FAM227B: variants seen among roughly 807,000 people sequenced by gnomAD.
FAM227B encodes the protein family with sequence similarity 227 member B.
FAM227B carries 88 observed loss-of-function variants against 73.8 expected under a neutral mutation model. The ratio of observed to expected loss-of-function variants is 1.19; its 90% CI spans 1.00 to 1.42. The LOEUF (loss-of-function observed/expected upper bound fraction) is 1.42, where lower values mean the gene tolerates loss of function less well. FAM227B is among the 40% of genes most tolerant of loss of function. The probability of loss-of-function intolerance (pLI) is 0.00; values close to 1 mark genes in which losing one functional copy is unlikely to be tolerated. For synonymous variants in FAM227B, 210 were observed against 190.5 expected (o/e 1.10, Z -0.84); for missense variants, 632 against 590.9 (o/e 1.07, Z -0.72).
intron 2 of FAM227B, 94 bp from the exon 3 acceptor site, chr15:49,611,362 A>AT: frequency 1.6e-6 from 1 of 643,070 alleles, no homozygotes; most frequent in South Asian, 2.4e-5. Flanking sequence ...ATGATACTCT[A>AT]TTTATCATTT....
At position 49,328,568 on chromosome 15, in the gene FAM227B, T is replaced by G. The variant is rs761376123; in HGVS notation, c.1527A>C (p.Ter509TyrextTer11). 1.2e-6 allele frequency: 2 copies of G among 1,604,944 alleles called. No homozygotes were observed. The highest frequency in any genetic ancestry group is 1.3e-5 in the African/African-American group (1 of 75,018). The change falls in exon 16 of 16, where the codon TAA becomes TAC. Residue 509 changes from the stop codon to tyrosine, a stop_lost. Transcript: ENST00000299338. ...DNYNFEEEEY[*>Y] is the part of the protein sequence containing the mutation. ...GAATAGAGTTCATTTCTGGTTTCTC[T>G]TAGTATTCTTCTTCCTCAAAGTTGT...
At chr15:49,536,840 G>C (rs2070346394) in intron 10 of FAM227B, among the ~76,000 whole-genome samples, 1 of 151,886 alleles carries the variant, frequency 6.6e-6, no homozygotes, top group African/African-American at 2.4e-5. Context: ...TCAATAAATG[G>C]TGCTGGGAAA....
chr15:49,588,123 T>C (rs956951618), intron 4 of FAM227B, 40 bp from the exon 5 acceptor site: 1 of 1,175,174 alleles, frequency 8.5e-7, no homozygotes, highest in Non-Finnish European at 1.1e-6. Context: ...ATATTATACA[T>C]ATGAACCTCC....
rs921978573 is a variant in FAM227B, at chr15:49,427,611, A to G, written c.1013-56212T>C. On this transcript the variant is annotated intron_variant, in intron 11 of 15. Transcript: ENST00000299338. Reference sequence around the variant, plus strand: ...ATATAATTATTCTTCTGGTTACCAAAAGAAAGTCCCCAATCTTTTCTCATG... The same window carrying G: ...ATATAATTATTCTTCTGGTTACCAAGAGAAAGTCCCCAATCTTTTCTCATG... Among the ~76,000 whole-genome samples the G allele has an allele frequency of 3.9e-5, 6 of 152,006 alleles. No homozygotes were observed. In the East Asian group the frequency reaches 9.7e-4, roughly 25 times the overall value.
intron 15 of FAM227B, chr15:49,330,054 AC>A (rs2038341600): frequency 6.6e-6 from 1 of 152,384 alleles, no homozygotes; most frequent in Non-Finnish European, 1.5e-5. Context: ...TGCTAAACTT[AC>A]CTGGAAGGGA....
intron 13 of FAM227B, among the ~76,000 whole-genome samples, chr15:49,354,351 G>T (rs1028346922): frequency 6.6e-6 from 1 of 152,202 alleles, no homozygotes; most frequent in Non-Finnish European, 1.5e-5. Context: ...CATCTCACTA[G>T]GGAGTGCCAG....
At chr15:49,422,672 G>C (rs955367684) in intron 11 of FAM227B, 21 of 1,120,080 alleles carry the variant, frequency 1.9e-5, no homozygotes, top group Non-Finnish European at 2.5e-5. Flanking sequence ...CTGGTCATTA[G>C]TGGTCCAACA....
In FAM227B at chr15:49,327,943, C is replaced by CTGTT. The variant is rs1567070082; in HGVS notation, c.*621_*624dup. ...ATAGGTTCTAATATTTTTTTCCTCA[C>CTGTT]TGTTTTAGGAAGTTTGGGGCTCAAG... On this transcript the variant is annotated 3_prime_UTR_variant, in exon 16 of 16. Coordinates refer to ENST00000299338, the MANE Select transcript of FAM227B (RefSeq NM_152647.3). 4 of 1,592,390 alleles carry CTGTT rather than the reference C, an allele frequency of 2.5e-6. No homozygotes were observed. The South Asian group carries it at 3.4e-5, about 14-fold the overall frequency.
chr15:49,483,556 A>T (rs2056142222), intron 11 of FAM227B, among the ~76,000 whole-genome samples: 1 of 151,972 alleles, frequency 6.6e-6, no homozygotes, highest in South Asian at 2.1e-4. Flanking sequence ...CAAAATTTCC[A>T]TTTGCCAGTA....
At chr15:49,362,105 CTTG>C (rs1412470046) in intron 13 of FAM227B, among the ~76,000 whole-genome samples, 3 of 151,972 alleles carry the variant, frequency 2.0e-5, no homozygotes, top group Non-Finnish European at 4.4e-5. Context: ...TTGCTGTGTG[CTTG>C]TTGATTTAAG....
intron 11 of FAM227B, among the ~76,000 whole-genome samples, chr15:49,472,372 T>C (rs1049079106): frequency 6.6e-6 from 1 of 152,166 alleles, no homozygotes; most frequent in African/African-American, 2.4e-5. Flanking sequence ...GAAGGTGGAA[T>C]AAAGTGATTA....
At chr15:49,489,872 A>AT (rs2056888120) in intron 11 of FAM227B, among the ~76,000 whole-genome samples, 1 of 15,802 alleles carries the variant, frequency 6.3e-5, no homozygotes, top group Non-Finnish European at 1.5e-4. Context: ...ATATATATAT[A>AT]TATATATATA....
At chr15:49,541,211 C>T (rs1244902038) in intron 10 of FAM227B, among the ~76,000 whole-genome samples, 2 of 152,012 alleles carry the variant, frequency 1.3e-5, no homozygotes, top group Non-Finnish European at 2.9e-5. Context: ...TAGAGTTTTG[C>T]TTTCCTTTAG....
At chr15:49,393,225 AAG>A (rs997919283) in intron 11 of FAM227B, among the ~76,000 whole-genome samples, 7 of 152,296 alleles carry the variant, frequency 4.6e-5, no homozygotes, top group African/African-American at 7.2e-5. Flanking sequence ...TCAAATGTGA[AAG>A]AGAGAAAACT....
rs2037621983 is a variant in FAM227B, at chr15:49,327,031, T to TGTAA, written c.*1533_*1536dup. On this transcript the variant is annotated 3_prime_UTR_variant, in exon 16 of 16. Coordinates refer to ENST00000299338, the MANE Select transcript of FAM227B (RefSeq NM_152647.3). ...GTGAATTTTATTAAGAAGAATTAAT[T>TGTAA]GTAAGTACATGTTAACTTTCGTGTC... is the stretch of plus-strand genomic sequence containing the variant. The TGTAA allele has an allele frequency of 6.6e-6, 1 of 152,146 alleles. No homozygotes were observed. Among genetic ancestry groups the TGTAA allele is most frequent in the African/African-American group, 2.4e-5 (1 of 41,400 alleles). 9.4% of individuals were successfully genotyped at this position (152,146 alleles called of 1,614,324 possible). A position where few individuals can be genotyped will look rare whatever the true frequency, so the allele number is the denominator to read the frequency against.
At chr15:49,556,135 A>G (rs1312838474) in intron 9 of FAM227B, among the ~76,000 whole-genome samples, 2 of 152,164 alleles carry the variant, frequency 1.3e-5, no homozygotes, top group Non-Finnish European at 2.9e-5. Context: ...AGTTATTTGG[A>G]GGTAAGCAGT....
chr15:49,522,370 A>C (rs1454640181), intron 10 of FAM227B, among the ~76,000 whole-genome samples: 1 of 152,192 alleles, frequency 6.6e-6, no homozygotes, highest in Non-Finnish European at 1.5e-5. Flanking sequence ...TCTGTGCAAA[A>C]ACTCTGGAAG....
chr15:49,525,009 T>A (rs961880861), intron 10 of FAM227B, among the ~76,000 whole-genome samples: 27 of 152,198 alleles, frequency 1.8e-4, no homozygotes, highest in African/African-American at 6.5e-4. Context: ...TTGTCTCAGA[T>A]GAGACTTTGG....
chr15:49,336,753 T>TAA (rs759669128), intron 13 of FAM227B, among the ~76,000 whole-genome samples: 9 of 152,216 alleles, frequency 5.9e-5, no homozygotes, highest in African/African-American at 1.2e-4. Flanking sequence ...GCAGGTTTGA[T>TAA]ACATGGGTAT....
Sources: allele counts gnomAD v4.1 joint callset (sites outside exome capture counted in the v4.1 genomes callset), GRCh38; gene constraint gnomAD v4.1.1; transcripts MANE v1.5; gene names NCBI Gene and HGNC (gene_info 2026-07-23, HGNC 2026-07-21).